CCDC78: variants seen among roughly 807,000 people sequenced by gnomAD.
The protein encoded by CCDC78 is coiled-coil domain containing 78.
A neutral mutation model predicts 61.9 loss-of-function variants in CCDC78; 78 were observed. That is an observed-to-expected ratio of 1.26 (90% CI 1.05 to 1.52). The LOEUF (loss-of-function observed/expected upper bound fraction) is 1.52. Among genes scored for constraint, CCDC78 ranks in the 40% most tolerant of loss-of-function variants. The pLI, the probability that CCDC78 is intolerant of heterozygous loss-of-function variation, is 0.00. For synonymous variants in CCDC78, 287 were observed against 251.9 expected (o/e 1.14, Z -1.32); for missense variants, 737 against 615.5 (o/e 1.20, Z -2.09).
Position 725,966 on chromosome 16 carries a change from C to T in CCDC78, c.180G>A (p.Gln60=), listed in dbSNP as rs774328284. Residue 60 remains glutamine (Q), a splice_region_variant and synonymous_variant, in exon 2 of 14, where the codon CAG becomes CAA. Coordinates refer to ENST00000345165, the MANE Select transcript of CCDC78 (RefSeq NM_001378030.1). ...GAGCACGCTGGGGCCCCACACCCAC[C>T]TGCAGCTGCTGCTCCTTATTGAGCG... ...DLALNKEQQL[Q]ISKELVDIQI... 2.6e-6 allele frequency: 4 copies of T among 1,556,066 alleles called. No individual in the cohort carries two copies. The highest frequency in any genetic ancestry group is 3.5e-6 in the Non-Finnish European group (4 of 1,149,762).
intron 11 of CCDC78, 200 bp downstream of exon 11, chr16:723,657 C>G (rs1473900209): frequency 8.5e-6 from 6 of 701,768 alleles, no homozygotes; most frequent in Admixed American, 2.0e-5. Context: ...TGCAGCAGCC[C>G]CTCTTCTCTT....
Position 724,221 on chromosome 16 carries a change from AGT to A in CCDC78, c.954-18_954-17del, listed in dbSNP as rs1274576224. Reference sequence around the variant, plus strand: ...CCCAGGTGCCCTGTCAGGGTAGGCTAGTGTCTGTCTGGGGCCACTCCTGCTGC... The same window carrying A: ...CCCAGGTGCCCTGTCAGGGTAGGCTAGTCTGTCTGGGGCCACTCCTGCTGC... On this transcript the variant is annotated splice_polypyrimidine_tract_variant and intron_variant, in intron 9 of 13. Transcript: ENST00000345165. The A allele has an allele frequency of 1.3e-6, 2 of 1,587,894 alleles. No individual in the cohort carries two copies. The highest frequency in any genetic ancestry group is 8.6e-7 in the Non-Finnish European group (1 of 1,165,672).
rs142136104 is a variant in CCDC78, at chr16:724,734, T to G, written c.712A>C (p.Lys238Gln). ...CGTAGGACGTACTCATCCTTCAGTT[T>G]CTTGAGCTGCAGCTGCAGCCGGGCA... ...ENARLQLQLK[K>Q]LKDEYVLRLQ... The change falls in exon 8 of 14, where the codon AAA (lysine) becomes CAA (glutamine). Residue 238 changes from lysine (K) to glutamine (Q), a missense_variant. Transcript: ENST00000345165. The G allele has an allele frequency of 0.011, 17,941 of 1,612,256 alleles. 120 individuals are homozygous for G. The highest frequency in any genetic ancestry group is 0.013 in the Non-Finnish European group (15,109 of 1,179,830).
chr16:725,700 T>C (rs1186784514), intron 3 of CCDC78, 94 bp downstream of exon 3: 3 of 1,570,010 alleles, frequency 1.9e-6, no homozygotes, highest in Non-Finnish European at 2.6e-6. Context: ...GACCCACAGA[T>C]GCCATGTGCG....
intron 3 of CCDC78, 35 bp downstream of exon 3, chr16:725,759 C>G (rs2040848463): frequency 6.3e-7 from 1 of 1,586,886 alleles, no homozygotes; most frequent in African/African-American, 1.3e-5. Flanking sequence ...CCCCCCGTCC[C>G]CCATGCACTG....
In CCDC78 at chr16:724,768, C is replaced by T. The variant is rs2040680063; in HGVS notation, c.678G>A (p.Glu226=). ...GCAGCTGCAGCCGGGCATTTTCAGC[C>T]TCTGCCTGACGGAGCTGGCCTTGGC... is the stretch of plus-strand genomic sequence containing the variant. ...CSCQGQLRQA[E]AENARLQLQL... is the part of the protein sequence containing the mutation. The change falls in exon 8 of 14, where the codon GAG becomes GAA. Residue 226 remains glutamate, a synonymous_variant. Coordinates refer to ENST00000345165, the MANE Select transcript of CCDC78 (RefSeq NM_001378030.1). 1.9e-6 allele frequency: 3 copies of T among 1,612,006 alleles called. No homozygotes were observed. Among genetic ancestry groups the T allele is most frequent in the East Asian group, 2.2e-5 (1 of 44,882 alleles).
Position 726,332 on chromosome 16 carries a change from T to G in CCDC78, c.36A>C (p.Gly12=). Residue 12 remains glycine, a synonymous_variant, in exon 1 of 14, where the codon GGA becomes GGC. Coordinates refer to ENST00000345165, the MANE Select transcript of CCDC78 (RefSeq NM_001378030.1). Reference sequence around the variant, plus strand: ...CATTCTCCACCCGCCGAGAGGGAGGTCCAGGCCTGGGGCCTGTGGTGGCTG... The same window carrying G: ...CATTCTCCACCCGCCGAGAGGGAGGGCCAGGCCTGGGGCCTGTGGTGGCTG... The part of the protein sequence containing the change: ...EHAATTGPRP[G]PPSRRVENVV... 1 of 1,547,198 alleles carries G rather than the reference T, an allele frequency of 6.5e-7. No homozygotes were observed. Among genetic ancestry groups the G allele is most frequent in the Non-Finnish European group, 8.7e-7 (1 of 1,146,456 alleles).
upstream of CCDC78, chr16:726,611 A>G: frequency 1.7e-6 from 1 of 578,756 alleles, no homozygotes; most frequent in Middle Eastern, 4.6e-4. Flanking sequence ...CCCCCTGCAC[A>G]TACCCTGTGC....
chr16:723,724 C>T lies in CCDC78; in HGVS notation c.1133+133G>A, dbSNP rs1034472347. 2.3e-5 allele frequency: 18 copies of T among 797,222 alleles called. 1 individual carries two copies. The highest frequency in any genetic ancestry group is 2.6e-5 in the Non-Finnish European group (12 of 467,480). 49.4% of individuals were successfully genotyped at this position (797,222 alleles called of 1,614,324 possible). A position where few individuals can be genotyped will look rare whatever the true frequency, so the allele number is the denominator to read the frequency against. On this transcript the variant is annotated intron_variant, in intron 11 of 13. Transcript: ENST00000345165. Reference sequence around the variant, plus strand: ...GGAGGGACCCCAGGGTGGGGATGTGCCACTGAGTGCATTGCTGTGACCAGA... The same window carrying T: ...GGAGGGACCCCAGGGTGGGGATGTGTCACTGAGTGCATTGCTGTGACCAGA...
rs369924051 is a variant in CCDC78 at position 725,614 on chromosome 16, C to T, written c.268-34G>A. 6.8e-5 allele frequency: 109 copies of T among 1,594,282 alleles called. 1 individual carries two copies. The African/African-American group carries it at 9.0e-4, about 13-fold the overall frequency. On this transcript the variant is annotated intron_variant, in intron 3 of 13. Coordinates refer to ENST00000345165, the MANE Select transcript of CCDC78 (RefSeq NM_001378030.1). ...CAACTGGCATGAGCAGGTGCACCTGCCCGCGGGCCACCTGGGGTAGGTGAA... is the reference window on the plus strand; with the variant it reads ...CAACTGGCATGAGCAGGTGCACCTGTCCGCGGGCCACCTGGGGTAGGTGAA...
intron 3 of CCDC78, 93 bp from the exon 4 acceptor site, chr16:725,673 A>G: frequency 6.3e-7 from 1 of 1,576,472 alleles, no homozygotes; most frequent in East Asian, 2.3e-5. Flanking sequence ...GGCGCGCAGC[A>G]CTCAGAGGCA....
Position 725,450 on chromosome 16 carries a change from G to T in CCDC78, c.398C>A (p.Ala133Asp). 1 of 1,612,768 alleles carries T rather than the reference G, an allele frequency of 6.2e-7. No homozygotes were observed. Among genetic ancestry groups the T allele is most frequent in the South Asian group, 1.1e-5 (1 of 91,088 alleles). Residue 133 changes from alanine (A) to aspartate (D), a missense_variant, in exon 4 of 14, where the codon GCC becomes GAC. Coordinates refer to ENST00000345165, the MANE Select transcript of CCDC78 (RefSeq NM_001378030.1). ...GTCATCAGAGTGTCCAGGCACCTGGGCTTTGTGTCTGAGCTCTTGGGCTGC... is the reference window on the plus strand; with the variant it reads ...GTCATCAGAGTGTCCAGGCACCTGGTCTTTGTGTCTGAGCTCTTGGGCTGC... ...RAAAQELRHKAQVPGHSDDHR... is the reference protein window; with the variant it reads ...RAAAQELRHKDQVPGHSDDHR...
At chr16:723,488 G>A in intron 11 of CCDC78, 1 of 678,096 alleles carries the variant, frequency 1.5e-6, no homozygotes, top group South Asian at 1.5e-5. Flanking sequence ...TCCTTGGGGA[G>A]CCCTGCCCAT....
chr16:724,548 C>G (rs1173174350), intron 8 of CCDC78, 39 bp from the exon 9 acceptor site: 1 of 1,568,460 alleles, frequency 6.4e-7, no homozygotes, highest in East Asian at 2.3e-5. Context: ...GGCCCACCCC[C>G]CATCTTTTCC....
At position 726,055 on chromosome 16, in the gene CCDC78, C is replaced by T; in HGVS notation, c.91G>A (p.Gly31Arg). Reference sequence around the variant, plus strand: ...CACACTGCGGTGCCCCCAGGAGCTCCTGGCAGCCAGTCCTTGGCTCGTAGC... The same window carrying T: ...CACACTGCGGTGCCCCCAGGAGCTCTTGGCAGCCAGTCCTTGGCTCGTAGC... ...VVLRAKDWLP[G>R]APGGTAVWAT... The change falls in exon 2 of 14, where the codon GGA (glycine) becomes AGA (arginine). Residue 31 changes from glycine to arginine, a missense_variant. Transcript: ENST00000345165. 6.5e-7 allele frequency: 1 copy of T among 1,548,780 alleles called. No homozygotes were observed. Among genetic ancestry groups the T allele is most frequent in the Non-Finnish European group, 8.7e-7 (1 of 1,146,706 alleles).
rs61998209 is a variant in CCDC78 at position 724,338 on chromosome 16, G to A, written c.937C>T (p.Leu313=). ...LVDLSRRHEE[L]LVAYRAPGNP... ...GGGGCCCACCTGTAGGCAACCAGTA[G>A]CTCTTCATGCCTGCGGCTCAGATCC... Residue 313 remains leucine, a synonymous_variant, in exon 9 of 14, where the codon CTA becomes TTA. Transcript: ENST00000345165. 5,347 of 1,611,772 alleles carry A rather than the reference G, an allele frequency of 3.3e-3. 162 individuals are homozygous for A. In the African/African-American group the frequency reaches 0.062, roughly 19 times the overall value.
At position 725,366 on chromosome 16, in the gene CCDC78, T is replaced by C. The variant is rs774617474; in HGVS notation, c.435+47A>G. ...GTTTCACTGAGGCCCCTGCTGAGGC[T>C]TCCCTCTGGCCTTTCCCAGCCAGGC... On this transcript the variant is annotated intron_variant, in intron 4 of 13. Coordinates refer to ENST00000345165, the MANE Select transcript of CCDC78 (RefSeq NM_001378030.1). 5.6e-6 allele frequency: 9 copies of C among 1,611,712 alleles called. No homozygotes were observed. In the South Asian group the frequency reaches 9.9e-5, roughly 18 times the overall value.
At chr16:726,718 C>G (rs199504644), upstream of CCDC78, 194 of 436,888 alleles carry the variant, frequency 4.4e-4, no homozygotes, top group East Asian at 8.1e-3. Context: ...CTGAGCTACA[C>G]TCGCTGGACA....
At chr16:724,864 G>T in intron 7 of CCDC78, 47 bp downstream of exon 7, 1 of 1,603,762 alleles carries the variant, frequency 6.2e-7, no homozygotes, top group East Asian at 2.2e-5. Context: ...CTGAGCTTCT[G>T]GGGCCCCCAC....
Sources: allele counts gnomAD v4.1 joint callset, GRCh38; gene constraint gnomAD v4.1.1; transcripts MANE v1.5; gene names NCBI Gene and HGNC (gene_info 2026-07-23, HGNC 2026-07-21).